Variants in PICK1 observed in about 807,000 individuals in gnomAD.
The protein encoded by PICK1 is protein interacting with PRKCA 1.
A neutral mutation model predicts 48.9 loss-of-function variants in PICK1; 23 were observed. The observed-to-expected ratio is 0.47, with a 90% CI of 0.34 to 0.67. The LOEUF (loss-of-function observed/expected upper bound fraction) is 0.67. Among genes scored for constraint, PICK1 ranks in the 30% least tolerant of loss-of-function variants. The pLI is 0.01. For missense variants in PICK1, 423 were observed against 557.1 expected (o/e 0.76, Z 2.42); for synonymous variants, 217 against 228.2 (o/e 0.95, Z 0.44).
At chr22:38,068,080 C>G (rs921290485) in intron 5 of PICK1, 1 of 519,970 alleles carries the variant, frequency 1.9e-6, no homozygotes, top group African/African-American at 1.9e-5. Context: ...AGGCCAGCGC[C>G]TCGGCTTCCA....
Position 38,074,803 on chromosome 22 carries a change from C to T in PICK1, c.980-61C>T, listed in dbSNP as rs1601962239. ...GGTGGGCCGGGTGGGCTGGGAGAGT[C>T]TCCTCCCTGAGGCAGGCAGCCAGAG... On this transcript the variant is annotated intron_variant, in intron 12 of 12. Coordinates refer to ENST00000356976, the MANE Select transcript of PICK1 (RefSeq NM_012407.4). This position sits in a 1 kb window ranked among gnomAD's most constrained non-coding sequence, Gnocchi z 4.5. 1 of 1,593,118 alleles carries T rather than the reference C, an allele frequency of 6.3e-7. No homozygotes were observed. The highest frequency in any genetic ancestry group is 1.3e-5 in the African/African-American group (1 of 74,748).
chr22:38,060,898 G>A (rs1254291263), intron 3 of PICK1, among the ~76,000 whole-genome samples: 5 of 151,950 alleles, frequency 3.3e-5, no homozygotes, highest in African/African-American at 4.8e-5. Flanking sequence ...ACAGGTGTGC[G>A]CCATCATGCC....
At chr22:38,071,849 C>G (rs368906480) in intron 8 of PICK1, 105 bp downstream of exon 8, 1 of 975,108 alleles carries the variant, frequency 1.0e-6, no homozygotes, top group Non-Finnish European at 1.7e-6. Flanking sequence ...CTCAGGCTCC[C>G]TCTGGGCTGG....
intron 6 of PICK1, among the ~76,000 whole-genome samples, chr22:38,070,403 C>T (rs972046296): frequency 1.3e-5 from 2 of 152,264 alleles, no homozygotes; most frequent in African/African-American, 2.4e-5. Flanking sequence ...TCACCAAGGC[C>T]TCTTCCCAGT....
At chr22:38,071,156 G>A (rs547671558) in intron 7 of PICK1, among the ~76,000 whole-genome samples, 18 of 152,262 alleles carry the variant, frequency 1.2e-4, no homozygotes, top group East Asian at 7.7e-4. Context: ...AGACCAGCCC[G>A]GCCAACATGG....
Position 38,074,178 on chromosome 22 carries a change from G to T in PICK1, c.835-129G>T, listed in dbSNP as rs2085771492. ...TTTTCCTCTCTTCAAAGCTATCACT[G>T]AGTGCTTCTGAGAAACACTGAAGTC... On this transcript the variant is annotated intron_variant, in intron 11 of 12. Transcript: ENST00000356976. The surrounding 1 kb of genome is among the most constrained non-coding windows in gnomAD (Gnocchi z 4.5). 1 of 1,130,990 alleles carries T rather than the reference G, an allele frequency of 8.8e-7. No homozygotes were observed. The highest frequency in any genetic ancestry group is 1.9e-5 in the Admixed American group (1 of 51,486). The allele number at this position is 1,130,990 out of a possible 1,614,324, so 70.1% of individuals were successfully genotyped here.
rs144498214 is a variant in PICK1 at position 38,065,062 on chromosome 22, G to A, written c.214G>A (p.Gly72Ser). Residue 72 changes from glycine to serine, a missense_variant, in exon 4 of 13, where the codon GGT becomes AGT. Coordinates refer to ENST00000356976, the MANE Select transcript of PICK1 (RefSeq NM_012407.4). ...AGTGGCAGCTGGCGATGAGATCACC[G>A]GTGTCAATGGCAGGTCAATCAAAGG... ...GTVAAGDEIT[G>S]VNGRSIKGKT... 49 of 1,613,946 alleles carry A rather than the reference G, an allele frequency of 3.0e-5. No homozygotes were observed. The highest frequency in any genetic ancestry group is 3.0e-4 in the South Asian group (27 of 91,088).
In PICK1 at chr22:38,075,108, G is replaced by A. The variant is rs936771361; in HGVS notation, c.1224G>A (p.Lys408=). The change falls in exon 13 of 13, where the codon AAG becomes AAA. Residue 408 remains lysine, a synonymous_variant. Transcript: ENST00000356976. ...GAGGGGCTGCTGGGCCCTTGGACAA[G>A]GGTGGAAGCTGGTGTGACTCCTGAG... ...DTRGAAGPLD[K]GGSWCDS 4 of 1,612,030 alleles carry A rather than the reference G, an allele frequency of 2.5e-6. No homozygotes were observed. The highest frequency in any genetic ancestry group is 3.4e-6 in the Non-Finnish European group (4 of 1,179,794).
chr22:38,074,495 G>A lies in PICK1; in HGVS notation c.979+44G>A, dbSNP rs760758123. ...CCCGTCCGCTCTCCATTTCAGAGGT[G>A]GGAAAACTGAGGCCCAGAGGGGTAC... On this transcript the variant is annotated intron_variant, in intron 12 of 12. Transcript: ENST00000356976. This position sits in a 1 kb window ranked among gnomAD's most constrained non-coding sequence, Gnocchi z 4.5. 31 of 1,609,266 alleles carry A rather than the reference G, an allele frequency of 1.9e-5. No individual in the cohort carries two copies. In the Admixed American group the frequency reaches 3.4e-4, roughly 17 times the overall value.
rs2145869519 is a variant in PICK1 at position 38,066,546 on chromosome 22, G to C, written c.283-1158G>C. 6.6e-6 allele frequency among the ~76,000 whole-genome samples: 1 copy of C among 152,286 alleles called. No individual in the cohort carries two copies. Among genetic ancestry groups the C allele is most frequent in the South Asian group, 2.1e-4 (1 of 4,824 alleles). On this transcript the variant is annotated intron_variant, in intron 4 of 12. Transcript: ENST00000356976. The surrounding 1 kb of genome is among the most constrained non-coding windows in gnomAD (Gnocchi z 4.1). ...CATCTTACAGGTGTCCACAGGCGGG[G>C]AGTGACCTGCTTGTGGTCACACAGC...
rs1327869119 is a variant in PICK1, at chr22:38,075,105, C to A, written c.1221C>A (p.Asp407Glu). 2.5e-6 allele frequency: 4 copies of A among 1,612,250 alleles called. No individual in the cohort carries two copies. The highest frequency in any genetic ancestry group is 3.4e-6 in the Non-Finnish European group (4 of 1,179,856). Residue 407 changes from aspartate to glutamate, a missense_variant, in exon 13 of 13, where the codon GAC (aspartate) becomes GAA (glutamate). Asp to Glu is a conservative substitution (Grantham distance 45, BLOSUM62 2). Around this residue, in one of 2 missense-constraint regions of PICK1, gnomAD observed 144 missense variants for 139.3 expected, o/e 1.03. Transcript: ENST00000356976. ...CACGAGGGGCTGCTGGGCCCTTGGA[C>A]AAGGGTGGAAGCTGGTGTGACTCCT... Reference protein sequence around the residue: ...RDTRGAAGPLDKGGSWCDS With the variant: ...RDTRGAAGPLEKGGSWCDS
chr22:38,059,132 A>G, intron 2 of PICK1, 102 bp from the exon 3 acceptor site: 1 of 804,130 alleles, frequency 1.2e-6, no homozygotes, highest in Non-Finnish European at 2.1e-6. Context: ...AGGGAGAGAA[A>G]AAGCTGGGCA....
rs370617225 is a variant in PICK1 at position 38,074,814 on chromosome 22, G to A, written c.980-50G>A. ...TGGGCTGGGAGAGTCTCCTCCCTGA[G>A]GCAGGCAGCCAGAGCCCACTGCAGC... On this transcript the variant is annotated intron_variant, in intron 12 of 12. Coordinates refer to ENST00000356976, the MANE Select transcript of PICK1 (RefSeq NM_012407.4). This position sits in a 1 kb window ranked among gnomAD's most constrained non-coding sequence, Gnocchi z 4.5. 14 of 1,600,696 alleles carry A rather than the reference G, an allele frequency of 8.7e-6. No individual in the cohort carries two copies. The highest frequency in any genetic ancestry group is 1.2e-5 in the Non-Finnish European group (14 of 1,178,790).
chr22:38,061,469 A>C (rs964673622), intron 3 of PICK1, among the ~76,000 whole-genome samples: 18 of 152,076 alleles, frequency 1.2e-4, no homozygotes, highest in Admixed American at 1.0e-3. Context: ...AATAATAGCA[A>C]TCCACTGCCC....
rs1601932809 is a variant in PICK1 at position 38,057,590 on chromosome 22, A to G, written c.-58+3A>G. 2 of 598,666 alleles carry G rather than the reference A, an allele frequency of 3.3e-6. No homozygotes were observed. The highest frequency in any genetic ancestry group is 3.0e-6 in the Non-Finnish European group (1 of 334,438). 37.1% of individuals were successfully genotyped at this position (598,666 alleles called of 1,614,324 possible). A position where few individuals can be genotyped will look rare whatever the true frequency, so the allele number is the denominator to read the frequency against. Reference sequence around the variant, plus strand: ...CCTGGAGCCCCCCTTTGTACCTAGTAAGAATCACCTACCCAGCCCCCCACC... The same window carrying G: ...CCTGGAGCCCCCCTTTGTACCTAGTGAGAATCACCTACCCAGCCCCCCACC... On this transcript the variant is annotated splice_donor_region_variant and intron_variant, in intron 1 of 12. Coordinates refer to ENST00000356976, the MANE Select transcript of PICK1 (RefSeq NM_012407.4).
At chr22:38,072,752 G>A (rs556949721) in intron 9 of PICK1, 142 bp downstream of exon 9, 16 of 1,281,888 alleles carry the variant, frequency 1.2e-5, no homozygotes, top group South Asian at 2.4e-5. Flanking sequence ...CTGTGGGTGA[G>A]TCACTGTGCC....
At chr22:38,058,626 T>C (rs1295189040) in intron 2 of PICK1, among the ~76,000 whole-genome samples, 1 of 152,180 alleles carries the variant, frequency 6.6e-6, no homozygotes, top group African/African-American at 2.4e-5. Context: ...GTGCCCTCCA[T>C]GCATGGTTAG....
Position 38,075,511 on chromosome 22 carries a change from G to C in PICK1, c.*379G>C, listed in dbSNP as rs982193219. Reference sequence around the variant, plus strand: ...CTGCCCCCGGAGCCTGCTGGGAGTGGGGCCAGCCGTGGACAGCTGAGGTTG... The same window carrying C: ...CTGCCCCCGGAGCCTGCTGGGAGTGCGGCCAGCCGTGGACAGCTGAGGTTG... On this transcript the variant is annotated 3_prime_UTR_variant, in exon 13 of 13. Coordinates refer to ENST00000356976, the MANE Select transcript of PICK1 (RefSeq NM_012407.4). 1.4e-5 allele frequency: 3 copies of C among 220,882 alleles called. No homozygotes were observed. Among genetic ancestry groups the C allele is most frequent in the Middle Eastern group, 1.7e-3 (1 of 588 alleles). The allele number at this position is 220,882 out of a possible 1,614,324, so 13.7% of individuals were successfully genotyped here. A position where few individuals can be genotyped will look rare whatever the true frequency, so the allele number is the denominator to read the frequency against.
At chr22:38,070,970 T>A in intron 7 of PICK1, 79 bp downstream of exon 7, 1 of 1,144,184 alleles carries the variant, frequency 8.7e-7, no homozygotes, top group Non-Finnish European at 1.3e-6. Flanking sequence ...ACAGGGGTGC[T>A]GGCACTAGGA....
Sources: gnomAD v4.1 joint callset for allele counts (sites outside exome capture counted in the v4.1 genomes callset) on GRCh38, gnomAD v4.1.1 for gene constraint, gnomAD v4.1.1 regional missense constraint, Gnocchi (gnomAD v3.1) non-coding constraint, MANE v1.5 for transcripts, NCBI Gene and HGNC (gene_info 2026-07-23, HGNC 2026-07-21) for gene names.